Variants in DNAJA3 observed in about 807,000 individuals in gnomAD.
The protein encoded by DNAJA3 is DnaJ heat shock protein family (Hsp40) member A3, also known as dnaJ homolog subfamily A member 3, mitochondrial.
A neutral mutation model predicts 54.9 loss-of-function variants in DNAJA3; 29 were observed. That is an observed-to-expected ratio of 0.53 (90% CI 0.39 to 0.72). DNAJA3 has a LOEUF of 0.72. Ranked by LOEUF, DNAJA3 falls within the 30% of genes least tolerant of loss-of-function variation. The pLI is 0.00. For missense variants in DNAJA3, 708 were observed against 639.4 expected, an observed-to-expected ratio of 1.11 and a Z score of -1.16; for synonymous variants, 302 against 251.4, an observed-to-expected ratio of 1.20 and a Z score of -1.90.
chr16:4,435,921 A>G (rs2056767177), intron 2 of DNAJA3, among the ~76,000 whole-genome samples: 2 of 152,192 alleles, frequency 1.3e-5, no homozygotes, highest in Non-Finnish European at 2.9e-5. Context: ...CAGCTGCACC[A>G]TTTTACATTC....
At chr16:4,444,517 G>T in intron 6 of DNAJA3, 147 bp from the exon 7 acceptor site, 1 of 609,608 alleles carries the variant, frequency 1.6e-6, no homozygotes, top group South Asian at 1.9e-5. Flanking sequence ...TTAATTTTTA[G>T]TAGAGACCAG....
chr16:4,440,348 T>C (rs1393750890), intron 3 of DNAJA3: 2 of 151,774 alleles, frequency 1.3e-5, no homozygotes, highest in African/African-American at 2.4e-5. Flanking sequence ...CCCAGCACTT[T>C]GGGAGGCTGA....
At chr16:4,432,003 C>T (rs970625305) in intron 1 of DNAJA3, 1 of 151,958 alleles carries the variant, frequency 6.6e-6, no homozygotes, top group Non-Finnish European at 1.5e-5. Context: ...TATTCCTAGG[C>T]CCCATTAATC....
In DNAJA3 at chr16:4,441,283, T is replaced by C. The variant is rs1466167563; in HGVS notation, c.430-92T>C. On this transcript the variant is annotated intron_variant, in intron 3 of 11. Coordinates refer to ENST00000262375, the MANE Select transcript of DNAJA3 (RefSeq NM_005147.6). ...TTTGCACACAGGGCCACTTAATAAA[T>C]GTTATGGCTGCCTTATTTGCTGTGA... 6.1e-5 allele frequency: 75 copies of C among 1,233,284 alleles called. No individual in the cohort carries two copies. In the East Asian group the frequency reaches 1.7e-3, roughly 28 times the overall value. The allele number at this position is 1,233,284 out of a possible 1,614,324, so 76.4% of individuals were successfully genotyped here.
chr16:4,432,533 G>T (rs533749987), intron 1 of DNAJA3, among the ~76,000 whole-genome samples: 30 of 149,458 alleles, frequency 2.0e-4, no homozygotes, highest in African/African-American at 7.2e-4. Context: ...GTAGAGATGG[G>T]GTTTCTCCAT....
At chr16:4,436,167 T>C (rs1224191024) in intron 2 of DNAJA3, among the ~76,000 whole-genome samples, 2 of 152,160 alleles carry the variant, frequency 1.3e-5, no homozygotes, top group African/African-American at 2.4e-5. Flanking sequence ...AACTGGGTTG[T>C]CTTTTTTTTT....
chr16:4,427,489 G>C (rs531556262), intron 1 of DNAJA3: 36 of 152,276 alleles, frequency 2.4e-4, no homozygotes, highest in African/African-American at 8.4e-4. Context: ...GGCTTCAGGG[G>C]TGAACTTCCC....
At chr16:4,433,226 TAAA>T (rs887624071) in intron 1 of DNAJA3, 34 of 152,224 alleles carry the variant, frequency 2.2e-4, no homozygotes, top group African/African-American at 7.0e-4. Context: ...GTCTTGCTAT[TAAA>T]AAAGGTGCTG....
At chr16:4,444,906 G>T (rs755507207) in intron 7 of DNAJA3, among the ~76,000 whole-genome samples, 178 bp downstream of exon 7, 1 of 152,142 alleles carries the variant, frequency 6.6e-6, no homozygotes, top group Non-Finnish European at 1.5e-5. Context: ...TCAAGATTCT[G>T]TGCCTTGTGT....
chr16:4,454,734 G>C (rs545028150), intron 10 of DNAJA3, 77 bp from the exon 11 acceptor site: 1 of 1,132,154 alleles, frequency 8.8e-7, no homozygotes, highest in African/African-American at 1.6e-5. Context: ...GTGGCCAGGC[G>C]GGGGTAGGTG....
At chr16:4,429,096 G>T (rs1002852143) in intron 1 of DNAJA3, among the ~76,000 whole-genome samples, 8 of 151,794 alleles carry the variant, frequency 5.3e-5, no homozygotes, top group African/African-American at 1.9e-4. Flanking sequence ...CACTGTGTTA[G>T]CCAGGACGTC....
At chr16:4,441,967 A>G (rs1302091252) in intron 4 of DNAJA3, among the ~76,000 whole-genome samples, 1 of 152,210 alleles carries the variant, frequency 6.6e-6, no homozygotes, top group Non-Finnish European at 1.5e-5. Context: ...GATCTAAATT[A>G]TGATTGTGGA....
At position 4,437,425 on chromosome 16, in the gene DNAJA3, C is replaced by T. The variant is rs1198103588; in HGVS notation, c.369C>T (p.Asp123=). ...YYQLAKKYHP[D]TNKDDPKAKE... ...AGCTTGCCAAGAAGTATCACCCTGA[C>T]ACAAATAAGGATGATCCCAAAGCCA... The change falls in exon 3 of 12, where the codon GAC becomes GAT. Residue 123 remains aspartate, a synonymous_variant. Transcript: ENST00000262375. 2.5e-6 allele frequency: 4 copies of T among 1,613,922 alleles called. No individual in the cohort carries two copies. Among genetic ancestry groups the T allele is most frequent in the Non-Finnish European group, 3.4e-6 (4 of 1,180,010 alleles).
At position 4,425,997 on chromosome 16, in the gene DNAJA3, T is replaced by C. The variant is rs1464399113; in HGVS notation, c.116T>C (p.Leu39Pro). 1 of 1,603,134 alleles carries C rather than the reference T, an allele frequency of 6.2e-7. No homozygotes were observed. The highest frequency in any genetic ancestry group is 8.5e-7 in the Non-Finnish European group (1 of 1,175,756). ...PPREGVVGAW[L>P]SRKLSVPAFA... ...AGGGAGGGCGTGGTGGGGGCATGGC[T>C]GAGCCGCAAGCTGAGCGTCCCCGCC... Residue 39 changes from leucine to proline, a missense_variant, in exon 1 of 12, where the codon CTG (leucine) becomes CCG (proline). Transcript: ENST00000262375.
At chr16:4,437,563 A>G in intron 3 of DNAJA3, 78 bp downstream of exon 3, 1 of 1,198,808 alleles carries the variant, frequency 8.3e-7, no homozygotes, top group Non-Finnish European at 1.2e-6. Context: ...TACCTGGGAC[A>G]GCCTGGTGTG....
In DNAJA3 at chr16:4,455,703, C is replaced by CCGTGGAGAGAGGTGTTG; in HGVS notation, c.*171_*172insCGTGGAGAGAGGTGTTG. 1 of 1,016,398 alleles carries CCGTGGAGAGAGGTGTTG rather than the reference C, an allele frequency of 9.8e-7. No homozygotes were observed. Among genetic ancestry groups the CCGTGGAGAGAGGTGTTG allele is most frequent in the Non-Finnish European group, 1.5e-6 (1 of 674,808 alleles). 63.0% of individuals were successfully genotyped at this position (1,016,398 alleles called of 1,614,324 possible). A position where few individuals can be genotyped will look rare whatever the true frequency, so the allele number is the denominator to read the frequency against. On this transcript the variant is annotated 3_prime_UTR_variant, in exon 12 of 12. Coordinates refer to ENST00000262375, the MANE Select transcript of DNAJA3 (RefSeq NM_005147.6). ...AGCAAAATCATGGGACAACACCTCT[C>CCGTGGAGAGAGGTGTTG]TCCACGGAAAGGTCACAGTGGACAG...
At chr16:4,452,780 A>G (rs1197999816) in intron 10 of DNAJA3, among the ~76,000 whole-genome samples, 1 of 152,122 alleles carries the variant, frequency 6.6e-6, no homozygotes, top group Non-Finnish European at 1.5e-5. Flanking sequence ...GCAAAGTAGT[A>G]TGCACCTCTA....
rs562692058 is a variant in DNAJA3, at chr16:4,454,886, C to T, written c.1415C>T (p.Ser472Phe). The change falls in exon 11 of 12, where the codon TCC becomes TTC. Residue 472 changes from serine (S) to phenylalanine (F), a missense_variant. By Grantham distance (155) the Ser-to-Phe change is radical (BLOSUM62 -2). Coordinates refer to ENST00000262375, the MANE Select transcript of DNAJA3 (RefSeq NM_005147.6). ...EAGEDEEGFLSKLKKMFTS is the reference protein window; with the variant it reads ...EAGEDEEGFLFKLKKMFTS ...GGGGAGGACGAGGAGGGATTCCTTT[C>T]CAAACTTAAGAAAATGTTTACCTCA... 2 of 1,613,894 alleles carry T rather than the reference C, an allele frequency of 1.2e-6. No individual in the cohort carries two copies. Among genetic ancestry groups the T allele is most frequent in the African/African-American group, 2.7e-5 (2 of 74,936 alleles).
chr16:4,438,638 T>TTC (rs1555487322), intron 3 of DNAJA3, among the ~76,000 whole-genome samples: 2 of 146,398 alleles, frequency 1.4e-5, no homozygotes, highest in African/African-American at 5.0e-5. Context: ...ATCTTTTCTT[T>TTC]TTTTTTTTTT....
Sources: allele counts gnomAD v4.1 joint callset (sites outside exome capture counted in the v4.1 genomes callset), GRCh38; gene constraint gnomAD v4.1.1; transcripts MANE v1.5; gene names NCBI Gene and HGNC (gene_info 2026-07-23, HGNC 2026-07-21).